Variants in HEATR5B observed in about 807,000 individuals in gnomAD.
HEATR5B encodes HEAT repeat containing 5B, also known as HEAT repeat-containing protein 5B.
Under a neutral mutation model 224.1 loss-of-function variants are expected in HEATR5B, and 156 were observed. That is an observed-to-expected ratio of 0.70 (90% CI 0.61 to 0.80). The LOEUF is 0.80. Ranked by LOEUF, HEATR5B falls within the 30% of genes least tolerant of loss-of-function variation. The pLI is 0.00. For synonymous variants in HEATR5B, 1,027 were observed against 893.0 expected, an observed-to-expected ratio of 1.15 and a Z score of -2.68; for missense variants, 2,323 against 2,535.5, an observed-to-expected ratio of 0.92 and a Z score of 1.80.
At chr2:37,071,333 A>G (rs1287944291) in intron 6 of HEATR5B, among the ~76,000 whole-genome samples, 3 of 152,208 alleles carry the variant, frequency 2.0e-5, no homozygotes, top group Admixed American at 1.3e-4. Flanking sequence ...GGGTTCACTC[A>G]GCATCTGCTC....
intron 24 of HEATR5B, among the ~76,000 whole-genome samples, chr2:37,026,414 T>A (rs1227859833): frequency 6.6e-6 from 1 of 152,210 alleles, no homozygotes; most frequent in African/African-American, 2.4e-5. Context: ...AATAGAAAAC[T>A]AATGCCACCA....
At chr2:37,022,206 T>C (rs1008064639) in intron 24 of HEATR5B, among the ~76,000 whole-genome samples, 6 of 152,020 alleles carry the variant, frequency 3.9e-5, no homozygotes, top group Admixed American at 2.0e-4. Flanking sequence ...AGATGGAGTA[T>C]TGCTCTGTTG....
At chr2:37,006,495 C>G (rs2110997) in intron 29 of HEATR5B, among the ~76,000 whole-genome samples, 29,893 of 151,972 alleles carry the variant, frequency 0.2, 3,221 homozygotes, top group African/African-American at 0.23. Context: ...TACAAAATTA[C>G]CCGGGCGTGG....
At chr2:36,991,198 TA>T (rs1420959911) in intron 33 of HEATR5B, among the ~76,000 whole-genome samples, 6 of 152,206 alleles carry the variant, frequency 3.9e-5, no homozygotes, top group African/African-American at 1.4e-4. Context: ...CCTTTCAATT[TA>T]GTAAATATGA....
At position 37,084,270 on chromosome 2, in the gene HEATR5B, TCG is replaced by T; in HGVS notation, c.-26_-25del. ...ACATGCATGCTTCGGCGACCTCACC[TCG>T]TAGTCTGGAAGGGAAGATCAGCTGA... On this transcript the variant is annotated splice_region_variant and 5_prime_UTR_variant, in exon 1 of 36. Transcript: ENST00000233099. 2.6e-6 allele frequency: 1 copy of T among 391,648 alleles called. No individual in the cohort carries two copies. Among genetic ancestry groups the T allele is most frequent in the Non-Finnish European group, 4.5e-6 (1 of 222,080 alleles). The allele number at this position is 391,648 out of a possible 1,614,324, so 24.3% of individuals were successfully genotyped here. A position where few individuals can be genotyped will look rare whatever the true frequency, so the allele number is the denominator to read the frequency against.
At chr2:37,082,086 T>A (rs4670652) in intron 2 of HEATR5B, among the ~76,000 whole-genome samples, 1 of 56,032 alleles carries the variant, frequency 1.8e-5, no homozygotes. Flanking sequence ...TTTTTTTTTT[T>A]CAGATGGAGT....
At position 37,037,900 on chromosome 2, in the gene HEATR5B, A is replaced by C; in HGVS notation, c.3171T>G (p.Phe1057Leu). 6.3e-7 allele frequency: 1 copy of C among 1,599,396 alleles called. No individual in the cohort carries two copies. ...AISCLQQLHM[F>L]APRHVNLSSL... Reference sequence around the variant, plus strand: ...TAGATAGATTGACATGTCGTGGTGCAAACATGTGAAGCTGCTGAAGGCAAG... The same window carrying C: ...TAGATAGATTGACATGTCGTGGTGCCAACATGTGAAGCTGCTGAAGGCAAG... The change falls in exon 21 of 36, where the codon TTT becomes TTG. Residue 1057 changes from phenylalanine (F) to leucine (L), a missense_variant. Around this residue, in one of 12 missense-constraint regions of HEATR5B, gnomAD observed 88 missense variants for 86.8 expected, o/e 1.01. Transcript: ENST00000233099.
Position 36,981,575 on chromosome 2 carries a change from G to T in HEATR5B, c.6131C>A (p.Ala2044Glu), listed in dbSNP as rs199759796. Residue 2044 changes from alanine to glutamate, a missense_variant, in exon 36 of 36, where the codon GCG becomes GAG. By Grantham distance (107) the Ala-to-Glu change is moderately radical. Around this residue, in one of 12 missense-constraint regions of HEATR5B, gnomAD observed 844 missense variants for 812.9 expected, o/e 1.04. Transcript: ENST00000233099. ...RLETAVRASQASKAKAAARQP... is the reference protein window; with the variant it reads ...RLETAVRASQESKAKAAARQP... ...TCTGGCAGCCGCTTTAGCTTTGCTC[G>T]CTTGGCTTGCTCGAACGGCAGTTTC... 22 of 1,614,072 alleles carry T rather than the reference G, an allele frequency of 1.4e-5. No individual in the cohort carries two copies. Among genetic ancestry groups the T allele is most frequent in the Admixed American group, 6.7e-5 (4 of 59,996 alleles).
chr2:36,991,813 A>C (rs1028356753), intron 33 of HEATR5B, among the ~76,000 whole-genome samples: 45 of 152,232 alleles, frequency 3.0e-4, no homozygotes, highest in African/African-American at 1.1e-3. Flanking sequence ...ACAAACATAT[A>C]TATGTGACAT....
chr2:37,037,624 T>C (rs1186887648), intron 21 of HEATR5B, among the ~76,000 whole-genome samples: 3 of 152,202 alleles, frequency 2.0e-5, no homozygotes, highest in Non-Finnish European at 4.4e-5. Context: ...ATAATTTTAA[T>C]TGTACATTTT....
chr2:37,072,070 T>C, intron 6 of HEATR5B, 40 bp downstream of exon 6: 1 of 1,498,002 alleles, frequency 6.7e-7, no homozygotes, highest in Non-Finnish European at 9.1e-7. Flanking sequence ...AATAACTAAT[T>C]AGGTCTGTTA....
intron 15 of HEATR5B, 21 bp downstream of exon 15, chr2:37,057,294 TCA>T (rs1049888144): frequency 4.5e-6 from 7 of 1,555,880 alleles, no homozygotes; most frequent in Non-Finnish European, 5.2e-6. Context: ...AGTTAGTATT[TCA>T]TTTTCCTCTA....
chr2:37,072,173 C>T lies in HEATR5B; in HGVS notation c.706G>A (p.Val236Met). Residue 236 changes from valine (V) to methionine (M), a missense_variant, in exon 6 of 36, where the codon GTG becomes ATG. By Grantham distance (21) the Val-to-Met change is conservative (BLOSUM62 1). Coordinates refer to ENST00000233099, the MANE Select transcript of HEATR5B (RefSeq NM_019024.3). ...ALENSNYGVR[V>M]AVSKLLGTVM... ...GTTCCTAAAAGTTTAGACACTGCCACTCGTACCCCATAATTTGAGTTTTCC... is the reference window on the plus strand; with the variant it reads ...GTTCCTAAAAGTTTAGACACTGCCATTCGTACCCCATAATTTGAGTTTTCC... 6.2e-7 allele frequency: 1 copy of T among 1,614,060 alleles called. No individual in the cohort carries two copies. The highest frequency in any genetic ancestry group is 8.5e-7 in the Non-Finnish European group (1 of 1,179,928).
At chr2:36,996,653 G>A (rs575640457) in intron 33 of HEATR5B, among the ~76,000 whole-genome samples, 69 of 152,038 alleles carry the variant, frequency 4.5e-4, no homozygotes, top group African/African-American at 1.1e-3. Flanking sequence ...GTGCAATGGC[G>A]TGATTTCGGC....
rs187757756 is a variant in HEATR5B at position 36,988,131 on chromosome 2, T to C, written c.5911+515A>G. Among the ~76,000 whole-genome samples, 936 of 151,630 alleles carry C rather than the reference T, an allele frequency of 6.2e-3. 7 individuals are homozygous for C. Among genetic ancestry groups the C allele is most frequent in the African/African-American group, 0.022 (893 of 41,364 alleles). Reference sequence around the variant, plus strand: ...TTTTTCCTAGATCTTAAGGGATGCATACATTCCTAGAAAAAAAAAAATCGC... The same window carrying C: ...TTTTTCCTAGATCTTAAGGGATGCACACATTCCTAGAAAAAAAAAAATCGC... On this transcript the variant is annotated intron_variant, in intron 35 of 35. Transcript: ENST00000233099.
At chr2:37,067,723 G>C (rs1342266109) in intron 8 of HEATR5B, among the ~76,000 whole-genome samples, 1 of 152,180 alleles carries the variant, frequency 6.6e-6, no homozygotes, top group African/African-American at 2.4e-5. Context: ...AGTGAGCCAA[G>C]ATCGCACCAC....
chr2:36,998,725 A>C (rs1382903960), intron 33 of HEATR5B, among the ~76,000 whole-genome samples: 1 of 152,190 alleles, frequency 6.6e-6, no homozygotes, highest in African/African-American at 2.4e-5. Context: ...TATTCACATT[A>C]ACAGATGTAA....
rs766636746 is a variant in HEATR5B at position 37,028,184 on chromosome 2, G to A, written c.3602-10C>T. ...GTTGCAGTACTCATATCTATAACAA[G>A]AATAAGGAATATTGTAACAATCTCA... On this transcript the variant is annotated splice_polypyrimidine_tract_variant and intron_variant, in intron 23 of 35. Transcript: ENST00000233099. 1 of 1,568,604 alleles carries A rather than the reference G, an allele frequency of 6.4e-7. No homozygotes were observed. The highest frequency in any genetic ancestry group is 1.1e-5 in the South Asian group (1 of 87,118).
chr2:37,005,546 C>G, intron 30 of HEATR5B, 86 bp downstream of exon 30: 1 of 1,255,294 alleles, frequency 8.0e-7, no homozygotes, highest in East Asian at 2.4e-5. Flanking sequence ...GGATCCAATA[C>G]AGAAAAAAAA....
Sources: allele counts gnomAD v4.1 joint callset (sites outside exome capture counted in the v4.1 genomes callset), GRCh38; gene constraint gnomAD v4.1.1; regional missense constraint gnomAD v4.1.1; transcripts MANE v1.5; gene names NCBI Gene and HGNC (gene_info 2026-07-23, HGNC 2026-07-21).